The following CAMKMT variants were observed in gnomAD, a reference collection of about 807,000 sequenced individuals.
The protein encoded by CAMKMT is CaM KMT.
CAMKMT carries 53 observed loss-of-function variants against 48.0 expected under a neutral mutation model. The observed-to-expected ratio is 1.10, with a 90% CI of 0.89 to 1.39. The LOEUF (loss-of-function observed/expected upper bound fraction) is 1.39, where lower values mean the gene tolerates loss of function less well. Among genes scored for constraint, CAMKMT ranks in the 40% most tolerant of loss-of-function variants. CAMKMT has a pLI of 0.00. For missense variants in CAMKMT, 428 were observed against 402.7 expected, an observed-to-expected ratio of 1.06 and a Z score of -0.54; for synonymous variants, 165 against 152.3, an observed-to-expected ratio of 1.08 and a Z score of -0.61.
chr2:44,496,537 C>A (rs1209397544), intron 3 of CAMKMT, among the ~76,000 whole-genome samples: 2 of 152,176 alleles, frequency 1.3e-5, no homozygotes, highest in Non-Finnish European at 2.9e-5. Context: ...GTGACTTGTA[C>A]GTATGCCTTA....
chr2:44,770,290 G>T (rs972471016), intron 10 of CAMKMT, among the ~76,000 whole-genome samples: 5 of 152,232 alleles, frequency 3.3e-5, no homozygotes, highest in African/African-American at 1.2e-4. Context: ...AGGGTTGTCA[G>T]CTCTTCCCCA....
chr2:44,678,981 T>C, intron 3 of CAMKMT, among the ~76,000 whole-genome samples: 1 of 152,328 alleles, frequency 6.6e-6, no homozygotes, highest in Middle Eastern at 3.4e-3. Context: ...AGGAACCCAA[T>C]AGCAGACTGG....
chr2:44,671,080 A>G (rs1276213539), intron 3 of CAMKMT, among the ~76,000 whole-genome samples: 3 of 152,206 alleles, frequency 2.0e-5, no homozygotes. Context: ...AGCTTTTAGA[A>G]TGGCCTAGTA....
chr2:44,422,207 C>T (rs1000639536), intron 3 of CAMKMT, among the ~76,000 whole-genome samples: 29 of 152,154 alleles, frequency 1.9e-4, no homozygotes, highest in African/African-American at 6.8e-4. Context: ...CTTGCACTGT[C>T]TCATGAGTAA....
intron 3 of CAMKMT, among the ~76,000 whole-genome samples, chr2:44,634,210 C>G (rs941593205): frequency 1.3e-5 from 2 of 152,036 alleles, no homozygotes; most frequent in Admixed American, 6.6e-5. Flanking sequence ...TCTACTTATG[C>G]ATAGCTCCCT....
At chr2:44,581,011 C>G (rs963198293) in intron 3 of CAMKMT, among the ~76,000 whole-genome samples, 4 of 152,006 alleles carry the variant, frequency 2.6e-5, no homozygotes, top group African/African-American at 9.7e-5. Context: ...TTCAGTGACC[C>G]TACTTTATGA....
chr2:44,433,191 T>C (rs138100883), intron 3 of CAMKMT, among the ~76,000 whole-genome samples: 3 of 152,292 alleles, frequency 2.0e-5, no homozygotes, highest in African/African-American at 7.2e-5. Context: ...TTAAATACAG[T>C]GGACTTGAAA....
chr2:44,705,198 A>C, intron 4 of CAMKMT: 1 of 206,412 alleles, frequency 4.8e-6, no homozygotes, highest in Non-Finnish European at 8.5e-6. Context: ...GCTTTAAACA[A>C]CCAAACACTC....
intron 1 of CAMKMT, among the ~76,000 whole-genome samples, chr2:44,371,186 T>A (rs1419482443): frequency 1.3e-5 from 2 of 152,150 alleles, no homozygotes; most frequent in Non-Finnish European, 2.9e-5. Flanking sequence ...GGTTTCACCA[T>A]GTTGGCCAGG....
At position 44,572,884 on chromosome 2, in the gene CAMKMT, G is replaced by A. The variant is rs111544898; in HGVS notation, c.377-131399G>A. Among the ~76,000 whole-genome samples, 303 of 152,256 alleles carry A rather than the reference G, an allele frequency of 2.0e-3. 1 individual carries two copies. The Middle Eastern group carries it at 0.024, about 12-fold the overall frequency. Reference sequence around the variant, plus strand: ...TAGTGTTTTCCACGGTGGCTACATCGTTTTACATTCCCACCAGCAGAGCAC... The same window carrying A: ...TAGTGTTTTCCACGGTGGCTACATCATTTTACATTCCCACCAGCAGAGCAC... On this transcript the variant is annotated intron_variant, in intron 3 of 10. Coordinates refer to ENST00000378494, the MANE Select transcript of CAMKMT (RefSeq NM_024766.5).
chr2:44,636,525 A>G (rs1159612396), intron 3 of CAMKMT, among the ~76,000 whole-genome samples: 1 of 152,246 alleles, frequency 6.6e-6, no homozygotes, highest in Non-Finnish European at 1.5e-5. Context: ...GGAATGGGAC[A>G]CAAAAAGGCT....
chr2:44,560,700 A>G (rs550410832), intron 3 of CAMKMT, among the ~76,000 whole-genome samples: 25 of 152,342 alleles, frequency 1.6e-4, no homozygotes, highest in African/African-American at 5.8e-4. Flanking sequence ...TAGTTAACCT[A>G]ATCTAATTTT....
At chr2:44,604,553 A>G (rs1671175977) in intron 3 of CAMKMT, among the ~76,000 whole-genome samples, 1 of 117,676 alleles carries the variant, frequency 8.5e-6, no homozygotes, top group African/African-American at 3.0e-5. Context: ...ATGAAAGCCA[A>G]TCTGGTTTTT....
At chr2:44,376,819 C>T (rs560298311) in intron 2 of CAMKMT, among the ~76,000 whole-genome samples, 1 of 152,166 alleles carries the variant, frequency 6.6e-6, no homozygotes. Flanking sequence ...AGTGACTTTT[C>T]ATCTGAAGCT....
intron 3 of CAMKMT, among the ~76,000 whole-genome samples, chr2:44,429,676 C>T (rs1684519646): frequency 6.6e-6 from 1 of 151,676 alleles, no homozygotes; most frequent in Admixed American, 6.6e-5. Context: ...TGGCGGGCGC[C>T]TGTAGTCCCA....
At chr2:44,642,778 G>A (rs1392270142) in intron 3 of CAMKMT, among the ~76,000 whole-genome samples, 1 of 152,050 alleles carries the variant, frequency 6.6e-6, no homozygotes, top group Non-Finnish European at 1.5e-5. Flanking sequence ...AAAAAGAAGT[G>A]ACACCCTGGG....
At chr2:44,756,179 G>C (rs952388942) in intron 9 of CAMKMT, among the ~76,000 whole-genome samples, 1 of 152,254 alleles carries the variant, frequency 6.6e-6, no homozygotes, top group Non-Finnish European at 1.5e-5. Flanking sequence ...GGGCTTGCCA[G>C]TGAAGAGCCC....
chr2:44,772,128 C>G lies in CAMKMT; in HGVS notation c.*15C>G, dbSNP rs374599894. Reference sequence around the variant, plus strand: ...AACATGGATAGAAGATTAAGCTTCTCAAAGACGAAGAAACGTATCAAGTGC... The same window carrying G: ...AACATGGATAGAAGATTAAGCTTCTGAAAGACGAAGAAACGTATCAAGTGC... On this transcript the variant is annotated 3_prime_UTR_variant, in exon 11 of 11. Coordinates refer to ENST00000378494, the MANE Select transcript of CAMKMT (RefSeq NM_024766.5). 3.1e-6 allele frequency: 5 copies of G among 1,603,280 alleles called. No homozygotes were observed. In the African/African-American group the frequency reaches 5.4e-5, roughly 17 times the overall value.
chr2:44,562,430 C>G (rs941849285), intron 3 of CAMKMT, among the ~76,000 whole-genome samples: 1 of 152,142 alleles, frequency 6.6e-6, no homozygotes, highest in African/African-American at 2.4e-5. Flanking sequence ...TAAGTATTAA[C>G]TCATTTAATT....
Sources: allele counts gnomAD v4.1 joint callset (sites outside exome capture counted in the v4.1 genomes callset), GRCh38; gene constraint gnomAD v4.1.1; transcripts MANE v1.5; gene names NCBI Gene and HGNC (gene_info 2026-07-23, HGNC 2026-07-21).